Variants in MACROD1 observed in about 807,000 individuals in gnomAD.
The protein encoded by MACROD1 is mono-ADP ribosylhydrolase 1.
MACROD1 carries 31 observed loss-of-function variants against 41.4 expected under a neutral mutation model. The ratio of observed to expected loss-of-function variants is 0.75; its 90% CI spans 0.56 to 1.01. MACROD1 has a LOEUF of 1.01. Ranked by LOEUF, MACROD1 falls within the 50% of genes least tolerant of loss-of-function variation. MACROD1 has a pLI of 0.00. For synonymous variants in MACROD1, 252 were observed against 203.4 expected, an observed-to-expected ratio of 1.24 and a Z score of -2.03; for missense variants, 473 against 460.0, an observed-to-expected ratio of 1.03 and a Z score of -0.26.
chr11:64,098,420 T>C (rs1294327624), intron 3 of MACROD1, among the ~76,000 whole-genome samples: 1 of 152,210 alleles, frequency 6.6e-6, no homozygotes, highest in Non-Finnish European at 1.5e-5. Flanking sequence ...ACTCCCAACA[T>C]GCTGAGCCCA....
intron 3 of MACROD1, among the ~76,000 whole-genome samples, chr11:64,137,000 C>T (rs1277304230): frequency 3.3e-5 from 5 of 152,202 alleles, no homozygotes; most frequent in South Asian, 2.1e-4. Context: ...TTCATGCAGC[C>T]GCCTGTGTGA....
In MACROD1 at chr11:64,039,615, C is replaced by G. The variant is rs1485530448; in HGVS notation, c.518-24334G>C. Among the ~76,000 whole-genome samples the G allele has an allele frequency of 3.3e-5, 5 of 152,300 alleles. No homozygotes were observed. The East Asian group carries it at 5.8e-4, about 18-fold the overall frequency. On this transcript the variant is annotated intron_variant, in intron 3 of 10. Coordinates refer to ENST00000255681, the MANE Select transcript of MACROD1 (RefSeq NM_014067.4). ...AGCACCCCTGTTTTGCCCTCCTCCC[C>G]CCGGACAGCCTGCCTGGAGTTCTCT...
At chr11:64,126,482 A>G (rs1258549212) in intron 3 of MACROD1, among the ~76,000 whole-genome samples, 1 of 152,196 alleles carries the variant, frequency 6.6e-6, no homozygotes. Flanking sequence ...GTTATCTGAA[A>G]GAGCCCGTAC....
At chr11:64,116,079 T>A in intron 3 of MACROD1, 2 of 840,728 alleles carry the variant, frequency 2.4e-6, no homozygotes, top group Non-Finnish European at 3.5e-6. Context: ...AGGCCACTCC[T>A]CCAGCTTGAC....
chr11:64,089,295 G>A (rs944010880), intron 3 of MACROD1, among the ~76,000 whole-genome samples: 2 of 152,160 alleles, frequency 1.3e-5, no homozygotes, highest in South Asian at 2.1e-4. Context: ...CTGTGAGACC[G>A]GGGTAGGGCA....
At chr11:64,165,443 C>T (rs1945824336) in intron 1 of MACROD1, among the ~76,000 whole-genome samples, 2 of 152,220 alleles carry the variant, frequency 1.3e-5, no homozygotes, top group African/African-American at 2.4e-5. Flanking sequence ...GTAAGGAAGG[C>T]CGCCTTCCTC....
At position 64,001,944 on chromosome 11, in the gene MACROD1, C is replaced by T. The variant is rs922425275; in HGVS notation, c.548-1601G>A. On this transcript the variant is annotated intron_variant, in intron 4 of 10. Transcript: ENST00000255681. ...CCTCTCTGGGTCTCAGTTGCTCCAT[C>T]TGGAAAATGGGATAATAGCACCCAC... is the stretch of plus-strand genomic sequence containing the variant. The T allele has an allele frequency of 6.7e-6, 4 of 599,048 alleles. No homozygotes were observed. In the African/African-American group the frequency reaches 7.4e-5, roughly 11 times the overall value. The allele number at this position is 599,048 out of a possible 1,614,324, so 37.1% of individuals were successfully genotyped here. A position where few individuals can be genotyped will look rare whatever the true frequency, so the allele number is the denominator to read the frequency against.
chr11:64,056,044 T>G (rs970549033), intron 3 of MACROD1, among the ~76,000 whole-genome samples: 3 of 152,184 alleles, frequency 2.0e-5, no homozygotes, highest in Non-Finnish European at 4.4e-5. Flanking sequence ...TTGTCCTCCC[T>G]GTGGGCCAGG....
chr11:64,137,407 T>C (rs893798614), intron 3 of MACROD1, among the ~76,000 whole-genome samples: 26 of 150,968 alleles, frequency 1.7e-4, no homozygotes, highest in Admixed American at 6.6e-4. Flanking sequence ...AGAGGAAAAA[T>C]GAAGAAAAAA....
chr11:64,042,046 G>A (rs890379149), intron 3 of MACROD1, among the ~76,000 whole-genome samples: 14 of 152,168 alleles, frequency 9.2e-5, no homozygotes, highest in African/African-American at 3.4e-4. Flanking sequence ...TCGGGCAGCG[G>A]CCATGGTGGG....
chr11:64,133,740 C>T (rs952403084), intron 3 of MACROD1, among the ~76,000 whole-genome samples: 7 of 152,182 alleles, frequency 4.6e-5, no homozygotes, highest in African/African-American at 1.7e-4. Flanking sequence ...CCGGTCATGA[C>T]GGGTGACTTG....
chr11:64,006,757 C>T (rs976626329), intron 4 of MACROD1, among the ~76,000 whole-genome samples: 3 of 152,036 alleles, frequency 2.0e-5, no homozygotes, highest in Non-Finnish European at 4.4e-5. Context: ...GGGCCAGCTG[C>T]GGGGTGGGGC....
At chr11:64,108,633 G>A (rs1944805844) in intron 3 of MACROD1, among the ~76,000 whole-genome samples, 2 of 152,260 alleles carry the variant, frequency 1.3e-5, no homozygotes, top group Admixed American at 6.5e-5. Context: ...CCTGTCTAGT[G>A]GGAGGTGGGA....
intron 3 of MACROD1, among the ~76,000 whole-genome samples, chr11:64,121,917 T>C (rs971980105): frequency 6.6e-6 from 1 of 151,610 alleles, no homozygotes; most frequent in Non-Finnish European, 1.5e-5. Flanking sequence ...TAATTAGATG[T>C]AGTGATTGGA....
At chr11:64,030,785 C>T (rs60320456) in intron 3 of MACROD1, among the ~76,000 whole-genome samples, 122 of 151,714 alleles carry the variant, frequency 8.0e-4, no homozygotes, top group African/African-American at 2.8e-3. Flanking sequence ...GGCATGGTGG[C>T]GGCACCTGCA....
chr11:64,090,607 G>A lies in MACROD1; in HGVS notation c.517+60632C>T, dbSNP rs1274741925. On this transcript the variant is annotated intron_variant, in intron 3 of 10. Coordinates refer to ENST00000255681, the MANE Select transcript of MACROD1 (RefSeq NM_014067.4). The surrounding 1 kb of genome is among the most constrained non-coding windows in gnomAD (Gnocchi z 4.7). ...GAAGTGGAGGCTGTGGCCAGCCATC[G>A]CCGCAGGAGGGGTCCCAGCTGGAGC... is the stretch of plus-strand genomic sequence containing the variant. Among the ~76,000 whole-genome samples, 2 of 152,298 alleles carry A rather than the reference G, an allele frequency of 1.3e-5. No individual in the cohort carries two copies. The highest frequency in any genetic ancestry group is 2.9e-5 in the Non-Finnish European group (2 of 68,012).
chr11:64,140,873 G>A (rs1945403203), intron 3 of MACROD1, among the ~76,000 whole-genome samples: 1 of 152,244 alleles, frequency 6.6e-6, no homozygotes, highest in Non-Finnish European at 1.5e-5. Context: ...AGTGGCTCAT[G>A]CCTGTAATCC....
chr11:64,100,519 T>G (rs1167923100), intron 3 of MACROD1, among the ~76,000 whole-genome samples: 4 of 152,146 alleles, frequency 2.6e-5, no homozygotes, highest in African/African-American at 9.7e-5. Context: ...CACGGCATGG[T>G]CTCCACTCAC....
chr11:64,047,415 T>C (rs1260395938), intron 3 of MACROD1, among the ~76,000 whole-genome samples: 2 of 152,118 alleles, frequency 1.3e-5, no homozygotes, highest in Non-Finnish European at 2.9e-5. Flanking sequence ...GCCAGGTCCA[T>C]GCCATGGGGT....
Sources: allele counts gnomAD v4.1 joint callset (sites outside exome capture counted in the v4.1 genomes callset), GRCh38; gene constraint gnomAD v4.1.1; non-coding constraint Gnocchi (gnomAD v3.1); transcripts MANE v1.5; gene names NCBI Gene and HGNC (gene_info 2026-07-23, HGNC 2026-07-21).